Variants in MANBA observed in about 807,000 individuals in gnomAD.
MANBA encodes mannosidase beta, also known as beta-mannosidase.
A neutral mutation model predicts 111.1 loss-of-function variants in MANBA; 83 were observed. The observed-to-expected ratio is 0.75, with a 90% CI of 0.63 to 0.90. MANBA has a LOEUF of 0.90. Ranked by LOEUF, MANBA falls within the 40% of genes least tolerant of loss-of-function variation. MANBA has a pLI of 0.00. For missense variants in MANBA, 1,036 were observed against 1,069.0 expected, an observed-to-expected ratio of 0.97 and a Z score of 0.43; for synonymous variants, 370 against 378.7, an observed-to-expected ratio of 0.98 and a Z score of 0.27.
chr4:102,678,876 T>C (rs906555002), intron 7 of MANBA, among the ~76,000 whole-genome samples: 2 of 152,220 alleles, frequency 1.3e-5, no homozygotes, highest in Admixed American at 6.5e-5. Flanking sequence ...TAATGAATCA[T>C]TGATTCACAA....
chr4:102,729,977 G>A (rs1297955921), intron 1 of MANBA: 4 of 951,346 alleles, frequency 4.2e-6, no homozygotes, highest in East Asian at 2.4e-5. Context: ...TGACTGTGAT[G>A]GTGGTGATGC....
chr4:102,758,572 G>A (rs1724112804), intron 1 of MANBA, among the ~76,000 whole-genome samples: 1 of 147,546 alleles, frequency 6.8e-6, no homozygotes, highest in Non-Finnish European at 1.5e-5. Flanking sequence ...TTTTTTGAGA[G>A]AGGGTGTCAC....
intron 14 of MANBA, among the ~76,000 whole-genome samples, chr4:102,638,137 T>C (rs1729709867): frequency 6.6e-6 from 1 of 152,102 alleles, no homozygotes; most frequent in Non-Finnish European, 1.5e-5. Flanking sequence ...AACAAAGCAC[T>C]TTTAGGCCAG....
At chr4:102,650,282 AT>A (rs1420972479) in intron 13 of MANBA, among the ~76,000 whole-genome samples, 1 of 152,220 alleles carries the variant, frequency 6.6e-6, no homozygotes, top group Non-Finnish European at 1.5e-5. Flanking sequence ...CTTTAGAGCA[AT>A]CTTGAAGTAG....
intron 1 of MANBA, among the ~76,000 whole-genome samples, chr4:102,744,457 C>T (rs1199773268): frequency 3.9e-5 from 6 of 152,170 alleles, no homozygotes; most frequent in Non-Finnish European, 7.3e-5. Context: ...TGACATAAAA[C>T]CAGAGAGTTG....
At chr4:102,740,665 T>C (rs1329320235) in intron 1 of MANBA, among the ~76,000 whole-genome samples, 2 of 152,058 alleles carry the variant, frequency 1.3e-5, no homozygotes, top group African/African-American at 4.8e-5. Context: ...AACTGATCTT[T>C]GACAAATGAA....
chr4:102,756,382 C>T (rs926035897), intron 1 of MANBA, among the ~76,000 whole-genome samples: 1 of 152,086 alleles, frequency 6.6e-6, no homozygotes, highest in Non-Finnish European at 1.5e-5. Context: ...GGACAGAAAA[C>T]CAAACACCAC....
intron 12 of MANBA, among the ~76,000 whole-genome samples, chr4:102,655,553 G>C (rs960542432): frequency 6.6e-6 from 1 of 152,156 alleles, no homozygotes; most frequent in African/African-American, 2.4e-5. Context: ...ATGGGGGAAA[G>C]AATAGTGTTT....
At chr4:102,673,878 C>T (rs755391135) in intron 8 of MANBA, 41 bp downstream of exon 8, 2 of 1,564,846 alleles carry the variant, frequency 1.3e-6, no homozygotes. Context: ...TGCGGGACTG[C>T]TAATTAAAAG....
chr4:102,713,711 A>G (rs1012063734), intron 5 of MANBA, among the ~76,000 whole-genome samples: 19 of 152,122 alleles, frequency 1.2e-4, no homozygotes, highest in Non-Finnish European at 2.4e-4. Context: ...AGACTGGCCA[A>G]TATGGAGAAA....
intron 11 of MANBA, chr4:102,663,037 C>T (rs992219378): frequency 6.6e-6 from 1 of 152,412 alleles, no homozygotes; most frequent in African/African-American, 2.4e-5. Context: ...GGAACAGAGC[C>T]TGAGTTTCTA....
In MANBA at chr4:102,742,754, A is replaced by C. The variant is rs541877829; in HGVS notation, c.178-16071T>G. 2.6e-5 allele frequency among the ~76,000 whole-genome samples: 4 copies of C among 152,340 alleles called. No individual in the cohort carries two copies. The East Asian group carries it at 7.7e-4, about 29-fold the overall frequency. ...CATTGCGTGCAGGATAGGCAAACCCATATCCAGAGTAAGTGTCCATTCCAG... is the reference window on the plus strand; with the variant it reads ...CATTGCGTGCAGGATAGGCAAACCCCTATCCAGAGTAAGTGTCCATTCCAG... On this transcript the variant is annotated intron_variant, in intron 1 of 16. Coordinates refer to ENST00000647097, the MANE Select transcript of MANBA (RefSeq NM_005908.4).
At chr4:102,703,369 C>T (rs1733150007) in intron 5 of MANBA, among the ~76,000 whole-genome samples, 1 of 152,196 alleles carries the variant, frequency 6.6e-6, no homozygotes, top group Non-Finnish European at 1.5e-5. Flanking sequence ...GCTGAACTAA[C>T]TTTGGGAAGG....
chr4:102,688,167 A>T lies in MANBA; in HGVS notation c.960+1407T>A, dbSNP rs142956827. Among the ~76,000 whole-genome samples the T allele has an allele frequency of 3.2e-4, 49 of 152,126 alleles. 1 individual carries two copies. The East Asian group carries it at 8.5e-3, about 26-fold the overall frequency. ...TTTTCATGAAAACAACACACAACAA[A>T]CTCACTGTGTGAGACAGCACACATC... On this transcript the variant is annotated intron_variant, in intron 7 of 16. Coordinates refer to ENST00000647097, the MANE Select transcript of MANBA (RefSeq NM_005908.4).
At chr4:102,632,370 C>T in intron 16 of MANBA, 89 bp from the exon 17 acceptor site, 2 of 1,082,352 alleles carry the variant, frequency 1.8e-6, no homozygotes, top group Admixed American at 3.9e-5. Flanking sequence ...TTTATGTGGG[C>T]TTAACAAGGA....
intron 1 of MANBA, among the ~76,000 whole-genome samples, chr4:102,736,387 TATC>T (rs772004340): frequency 1.3e-5 from 2 of 152,166 alleles, no homozygotes; most frequent in Non-Finnish European, 2.9e-5. Flanking sequence ...CAAATGACAA[TATC>T]ATCAGTCTCA....
chr4:102,657,208 A>G (rs1356953116), intron 12 of MANBA, among the ~76,000 whole-genome samples: 1 of 54,736 alleles, frequency 1.8e-5, no homozygotes, highest in Non-Finnish European at 3.3e-5. Flanking sequence ...AAAGAGGGAG[A>G]GAGAGGAGTG....
intron 7 of MANBA, among the ~76,000 whole-genome samples, chr4:102,688,386 TACACACACACAC>T (rs70937563): frequency 1.4e-5 from 2 of 140,570 alleles, no homozygotes; most frequent in South Asian, 4.8e-4. Flanking sequence ...CCTCCCCCCT[TACACACACACAC>T]ACACACACAC....
chr4:102,722,201 C>G (rs1722610315), intron 4 of MANBA, among the ~76,000 whole-genome samples: 2 of 151,806 alleles, frequency 1.3e-5, no homozygotes, highest in Non-Finnish European at 2.9e-5. Flanking sequence ...TCTGTGGTTA[C>G]TTAATGTAAA....
Sources: gnomAD v4.1 joint callset for allele counts (sites outside exome capture counted in the v4.1 genomes callset) on GRCh38, gnomAD v4.1.1 for gene constraint, MANE v1.5 for transcripts, NCBI Gene and HGNC (gene_info 2026-07-23, HGNC 2026-07-21) for gene names.